EFCAB8: variants seen among roughly 807,000 people sequenced by gnomAD.
The protein encoded by EFCAB8 is EF-hand calcium binding domain 8, also known as EF-hand calcium-binding domain-containing protein 8.
Under a neutral mutation model 116.3 loss-of-function variants are expected in EFCAB8, and 100 were observed. The ratio of observed to expected loss-of-function variants is 0.86; its 90% confidence interval spans 0.73 to 1.02. EFCAB8 has a LOEUF of 1.02. Ranked by LOEUF, EFCAB8 falls within the 50% of genes least tolerant of loss-of-function variation. The pLI, the probability that EFCAB8 is intolerant of heterozygous loss-of-function variation, is 0.00. For missense variants in EFCAB8, 1,320 were observed against 1,416.9 expected, an observed-to-expected ratio of 0.93 and a Z score of 1.10; for synonymous variants, 558 against 567.9, an observed-to-expected ratio of 0.98 and a Z score of 0.25.
intron 6 of EFCAB8, 59 bp from the exon 7 acceptor site, chr20:32,889,242 G>C: frequency 6.9e-7 from 1 of 1,454,860 alleles, no homozygotes; most frequent in Non-Finnish European, 9.4e-7. Context: ...GGTTCATGGG[G>C]AGCTGCACTG....
intron 16 of EFCAB8, among the ~76,000 whole-genome samples, chr20:32,912,254 T>C (rs1042629749): frequency 6.6e-6 from 1 of 151,696 alleles, no homozygotes; most frequent in Non-Finnish European, 1.5e-5. Flanking sequence ...CTGGCTAATA[T>C]GGTGAAACTC....
chr20:32,920,984 C>G (rs1226615119), intron 20 of EFCAB8, among the ~76,000 whole-genome samples: 1 of 152,156 alleles, frequency 6.6e-6, no homozygotes, highest in African/African-American at 2.4e-5. Context: ...CTTCCCCTTT[C>G]TGACCCTGGA....
At chr20:32,901,725 G>A (rs1986438069) in intron 11 of EFCAB8, among the ~76,000 whole-genome samples, 1 of 152,252 alleles carries the variant, frequency 6.6e-6, no homozygotes, top group Admixed American at 6.5e-5. Flanking sequence ...TCTTGCTGCA[G>A]TGCCCAGGCT....
At position 32,869,083 on chromosome 20, in the gene EFCAB8, G is replaced by C. The variant is rs551131960; in HGVS notation, c.208+1336G>C. Among the ~76,000 whole-genome samples, 8 of 152,260 alleles carry C rather than the reference G, an allele frequency of 5.3e-5. No individual in the cohort carries two copies. The East Asian group carries it at 1.3e-3, about 26-fold the overall frequency. Reference sequence around the variant, plus strand: ...TCACTCAGGTTGTTGGCAGAATTCAGTTCCTTGCCCCTGTGTGACTGAGGG... The same window carrying C: ...TCACTCAGGTTGTTGGCAGAATTCACTTCCTTGCCCCTGTGTGACTGAGGG... On this transcript the variant is annotated intron_variant, in intron 3 of 26. Coordinates refer to ENST00000400522, the MANE Select transcript of EFCAB8 (RefSeq NM_001143967.2).
chr20:32,906,787 T>A, intron 12 of EFCAB8, 56 bp from the exon 13 acceptor site: 2 of 865,884 alleles, frequency 2.3e-6, no homozygotes, highest in South Asian at 2.9e-5. Context: ...CCTTCACCAG[T>A]GGGTGAAGGT....
rs1989147081 is a variant in EFCAB8 at position 32,961,403 on chromosome 20, C to T, written c.3661C>T (p.Leu1221=). The change falls in exon 27 of 27, where the codon CTG becomes TTG. Residue 1221 remains leucine, a synonymous_variant. Transcript: ENST00000400522. ...GCTGGACTCCAGCTTGCCCACCTTC[C>T]TGACGCCCCAGTTCTCCTTCTTGCT... ...RLLDSSLPTF[L]TPQFSFLLRP... is the part of the protein sequence containing the mutation. 1.4e-6 allele frequency: 2 copies of T among 1,458,478 alleles called. No individual in the cohort carries two copies. Among genetic ancestry groups the T allele is most frequent in the South Asian group, 2.9e-5 (2 of 68,170 alleles). 90.3% of individuals were successfully genotyped at this position (1,458,478 alleles called of 1,614,324 possible).
intron 17 of EFCAB8, among the ~76,000 whole-genome samples, chr20:32,915,165 A>G (rs1027094035): frequency 6.6e-6 from 1 of 152,164 alleles, no homozygotes; most frequent in East Asian, 1.9e-4. Context: ...GGCCTCCCAA[A>G]GTACTGGGTT....
At chr20:32,931,072 C>A (rs1987889012) in intron 21 of EFCAB8, 106 bp from the exon 22 acceptor site, 1 of 984,110 alleles carries the variant, frequency 1.0e-6, no homozygotes. Context: ...TAAGAACTGC[C>A]CCCCACCCCC....
Position 32,920,286 on chromosome 20 carries a change from GGGGCTCGGGGGCCT to G in EFCAB8, c.2412+82_2412+95del, listed in dbSNP as rs934967050. 3.3e-6 allele frequency: 5 copies of G among 1,515,720 alleles called. No homozygotes were observed. The South Asian group carries it at 5.1e-5, about 15-fold the overall frequency. 93.9% of individuals were successfully genotyped at this position (1,515,720 alleles called of 1,614,324 possible). The stretch of plus-strand genomic sequence containing the variant: ...GCGGTCAGGATTGGGTGGTCAGGAT[GGGGCTCGGGGGCCT>G]GGGCTCGGGGCCCGGCCTGATTCTC... On this transcript the variant is annotated intron_variant, in intron 20 of 26. Transcript: ENST00000400522.
chr20:32,917,362 A>T lies in EFCAB8; in HGVS notation c.1918A>T (p.Ile640Phe). The T allele has an allele frequency of 6.4e-7, 1 of 1,551,756 alleles. No homozygotes were observed. The highest frequency in any genetic ancestry group is 1.2e-5 in the South Asian group (1 of 84,058). The change falls in exon 18 of 27, where the codon ATC (isoleucine) becomes TTC (phenylalanine). Residue 640 changes from isoleucine to phenylalanine, a missense_variant. Coordinates refer to ENST00000400522, the MANE Select transcript of EFCAB8 (RefSeq NM_001143967.2). ...CTGGCAGACCTACCACACGGAGGAC[A>T]TCCTGAGCATGGCCAAGTACCGGAA... ...YHWQTYHTEDILSMAKYRNQF... is the reference protein window; with the variant it reads ...YHWQTYHTEDFLSMAKYRNQF...
intron 3 of EFCAB8, among the ~76,000 whole-genome samples, chr20:32,873,411 A>G (rs577267740): frequency 6.6e-6 from 1 of 152,024 alleles, no homozygotes; most frequent in East Asian, 1.9e-4. Context: ...TGATTATTAA[A>G]AAAAAAGTTG....
At chr20:32,877,901 T>A (rs1405073596) in intron 4 of EFCAB8, among the ~76,000 whole-genome samples, 1 of 152,158 alleles carries the variant, frequency 6.6e-6, no homozygotes, top group East Asian at 1.9e-4. Flanking sequence ...AGGATGCACT[T>A]AGCGCCTCAG....
intron 23 of EFCAB8, among the ~76,000 whole-genome samples, chr20:32,950,511 C>T (rs1000498339): frequency 3.9e-5 from 6 of 152,190 alleles, no homozygotes; most frequent in Non-Finnish European, 8.8e-5. Flanking sequence ...GTTAGAGCCA[C>T]ACTCTCTTAC....
intron 16 of EFCAB8, among the ~76,000 whole-genome samples, chr20:32,912,020 C>G (rs1296374695): frequency 2.6e-5 from 4 of 152,160 alleles, no homozygotes; most frequent in Non-Finnish European, 5.9e-5. Context: ...TCACAGCCAC[C>G]CATGGTCACC....
At chr20:32,953,404 C>T (rs1010853598) in intron 23 of EFCAB8, among the ~76,000 whole-genome samples, 1 of 152,210 alleles carries the variant, frequency 6.6e-6, no homozygotes, top group Non-Finnish European at 1.5e-5. Flanking sequence ...AACCTCCATA[C>T]TGTTTTCCAT....
At chr20:32,946,912 T>C (rs887146559) in intron 23 of EFCAB8, among the ~76,000 whole-genome samples, 2 of 152,242 alleles carry the variant, frequency 1.3e-5, no homozygotes, top group African/African-American at 4.8e-5. Context: ...AGTCTAACTT[T>C]CACTTAGCAT....
chr20:32,862,042 G>C (rs1439930877), intron 1 of EFCAB8, among the ~76,000 whole-genome samples: 1 of 151,922 alleles, frequency 6.6e-6, no homozygotes, highest in Non-Finnish European at 1.5e-5. Context: ...TAGCTGTCTT[G>C]TGTGTTTCTC....
At chr20:32,943,101 T>G (rs1988455540) in intron 22 of EFCAB8, among the ~76,000 whole-genome samples, 1 of 152,240 alleles carries the variant, frequency 6.6e-6, no homozygotes, top group Non-Finnish European at 1.5e-5. Context: ...ATTCTCTCAG[T>G]GTAATGTGAT....
At position 32,876,089 on chromosome 20, in the gene EFCAB8, G is replaced by A. The variant is rs777226322; in HGVS notation, c.327+45G>A. ...TTCCTCAGGTGCTGGAGGGAGGCTG[G>A]AGGGTCCAGTCCTTGACCAGTTGGT... is the stretch of plus-strand genomic sequence containing the variant. On this transcript the variant is annotated intron_variant, in intron 4 of 26. Transcript: ENST00000400522. 54 of 1,503,700 alleles carry A rather than the reference G, an allele frequency of 3.6e-5. No individual in the cohort carries two copies. The Middle Eastern group carries it at 1.2e-3, about 34-fold the overall frequency. The allele number at this position is 1,503,700 out of a possible 1,614,324, so 93.1% of individuals were successfully genotyped here. A position where few individuals can be genotyped will look rare whatever the true frequency, so the allele number is the denominator to read the frequency against.
Sources: gnomAD v4.1 joint callset for allele counts (sites outside exome capture counted in the v4.1 genomes callset) on GRCh38, gnomAD v4.1.1 for gene constraint, MANE v1.5 for transcripts, NCBI Gene and HGNC (gene_info 2026-07-23, HGNC 2026-07-21) for gene names.